The following AKT3 variants were observed in gnomAD, a reference collection of about 807,000 sequenced individuals.
AKT3 encodes AKT serine/threonine kinase 3, also known as RAC-gamma serine/threonine-protein kinase.
In AKT3, 15 loss-of-function variants were observed where a neutral mutation model predicts 65.3. That is an observed-to-expected ratio of 0.23 (90% CI 0.15 to 0.35). The LOEUF (loss-of-function observed/expected upper bound fraction) is 0.35. AKT3 is among the 10% of genes least tolerant of loss of function. The pLI, the probability that AKT3 is intolerant of heterozygous loss-of-function variation, is 1.00. For missense variants in AKT3, 243 were observed against 576.5 expected (o/e 0.42, Z 5.92); for synonymous variants, 206 against 183.8 (o/e 1.12, Z -0.98).
At chr1:243,801,187 A>G (rs533712476) in intron 2 of AKT3, among the ~76,000 whole-genome samples, 36 of 152,312 alleles carry the variant, frequency 2.4e-4, no homozygotes, top group Admixed American at 1.4e-3. Flanking sequence ...GTTATTCCTC[A>G]GGGCCTATCC....
chr1:243,609,900 C>T (rs915336298), intron 8 of AKT3, among the ~76,000 whole-genome samples: 7 of 152,056 alleles, frequency 4.6e-5, no homozygotes, highest in Admixed American at 3.9e-4. Context: ...CCAGGTAGCG[C>T]CCTCTAGGAA....
At chr1:243,809,462 C>G (rs1247292561) in intron 2 of AKT3, among the ~76,000 whole-genome samples, 5 of 152,174 alleles carry the variant, frequency 3.3e-5, no homozygotes, top group Non-Finnish European at 7.3e-5. Context: ...GTAAAGGGAT[C>G]AATTCAACAA....
intron 9 of AKT3, 36 bp downstream of exon 9, chr1:243,572,890 A>G (rs1674667879): frequency 6.3e-7 from 1 of 1,582,598 alleles, no homozygotes; most frequent in African/African-American, 1.4e-5. Flanking sequence ...TAGTCTCTGC[A>G]AAAACAAATT....
intron 2 of AKT3, among the ~76,000 whole-genome samples, chr1:243,791,552 A>T (rs775867727): frequency 4.6e-5 from 7 of 152,246 alleles, no homozygotes; most frequent in Non-Finnish European, 1.0e-4. Context: ...CTGTAAATAT[A>T]TGACACTAAT....
chr1:243,536,781 G>GCCTT (rs1671968126), intron 12 of AKT3, among the ~76,000 whole-genome samples: 1 of 152,134 alleles, frequency 6.6e-6, no homozygotes, highest in Admixed American at 6.6e-5. Context: ...ACCAAAAGAA[G>GCCTT]ACACTAATTG....
intron 6 of AKT3, among the ~76,000 whole-genome samples, chr1:243,637,322 C>T (rs1680045251): frequency 1.3e-5 from 2 of 151,954 alleles, no homozygotes; most frequent in Admixed American, 6.6e-5. Flanking sequence ...AAAAGCAATC[C>T]TAGTATAATT....
intron 8 of AKT3, among the ~76,000 whole-genome samples, chr1:243,592,612 C>G (rs867444238): frequency 1.7e-4 from 26 of 152,182 alleles, no homozygotes; most frequent in African/African-American, 6.3e-4. Flanking sequence ...AGCTAAATAT[C>G]TTTCCAAAAA....
chr1:243,660,727 A>G (rs932325140), intron 4 of AKT3, among the ~76,000 whole-genome samples: 81 of 152,200 alleles, frequency 5.3e-4, no homozygotes, highest in Admixed American at 8.5e-4. Flanking sequence ...TAGGCAGAAG[A>G]AGGAAATAAA....
chr1:243,789,396 C>A (rs983896973), intron 2 of AKT3, among the ~76,000 whole-genome samples: 2 of 152,138 alleles, frequency 1.3e-5, no homozygotes, highest in Non-Finnish European at 2.9e-5. Context: ...TTAAAAAAAT[C>A]TTTTTAATAA....
intron 10 of AKT3, among the ~76,000 whole-genome samples, chr1:243,556,409 AT>A: frequency 6.6e-6 from 1 of 152,192 alleles, no homozygotes; most frequent in East Asian, 1.9e-4. Flanking sequence ...AAAAAAAACT[AT>A]TCATTACAAT....
chr1:243,806,550 G>A lies in AKT3; in HGVS notation c.46+36575C>T, dbSNP rs1254375863. The stretch of plus-strand genomic sequence containing the variant: ...CACAAATATACTTCCATCTTTACAT[G>A]CATATGTGTCTTATCTTCTTAAATG... On this transcript the variant is annotated intron_variant, in intron 2 of 13. Coordinates refer to ENST00000673466, the MANE Select transcript of AKT3 (RefSeq NM_005465.7). Among the ~76,000 whole-genome samples the A allele has an allele frequency of 3.9e-5, 6 of 152,180 alleles. No homozygotes were observed. The East Asian group carries it at 9.7e-4, about 25-fold the overall frequency.
intron 12 of AKT3, among the ~76,000 whole-genome samples, chr1:243,527,936 C>CACACACACACACAG (rs1671266313): frequency 5.2e-5 from 2 of 38,274 alleles, no homozygotes; most frequent in African/African-American, 7.7e-5. Flanking sequence ...CACACACACA[C>CACACACACACACAG]AGAGAGAGAG....
chr1:243,564,035 C>G (rs1412189491), intron 9 of AKT3, among the ~76,000 whole-genome samples, 187 bp from the exon 10 acceptor site: 2 of 152,146 alleles, frequency 1.3e-5, no homozygotes, highest in East Asian at 3.8e-4. Flanking sequence ...TTATCAAATA[C>G]TTCACGATGA....
At chr1:243,589,422 T>C (rs953713902) in intron 8 of AKT3, among the ~76,000 whole-genome samples, 14 of 150,230 alleles carry the variant, frequency 9.3e-5, no homozygotes, top group African/African-American at 3.4e-4. Flanking sequence ...AGCAGATACA[T>C]GAAAAGGTGC....
At chr1:243,667,160 G>C (rs1168533063) in intron 3 of AKT3, among the ~76,000 whole-genome samples, 7 of 152,194 alleles carry the variant, frequency 4.6e-5, no homozygotes, top group African/African-American at 1.7e-4. Context: ...CTGTAAGTGG[G>C]AGACCATTCG....
At chr1:243,830,242 A>G (rs987045114) in intron 2 of AKT3, among the ~76,000 whole-genome samples, 3 of 152,156 alleles carry the variant, frequency 2.0e-5, no homozygotes, top group Non-Finnish European at 4.4e-5. Flanking sequence ...AAGTAATTTA[A>G]AGATGATTTA....
intron 8 of AKT3, among the ~76,000 whole-genome samples, chr1:243,601,624 G>A (rs1023824033): frequency 2.6e-5 from 4 of 152,056 alleles, no homozygotes; most frequent in Admixed American, 6.6e-5. Flanking sequence ...GAATATTCAC[G>A]AGCTTTTATT....
At chr1:243,719,891 T>G (rs994913803) in intron 2 of AKT3, among the ~76,000 whole-genome samples, 1 of 152,158 alleles carries the variant, frequency 6.6e-6, no homozygotes, top group Non-Finnish European at 1.5e-5. Context: ...TAGGGCAGAG[T>G]AGGTGTATTA....
intron 2 of AKT3, among the ~76,000 whole-genome samples, chr1:243,791,459 G>A (rs551837398): frequency 4.6e-5 from 7 of 152,050 alleles, no homozygotes; most frequent in African/African-American, 1.2e-4. Context: ...AACGCAATAC[G>A]CCTAAAAACA....
Sources: allele counts gnomAD v4.1 joint callset (sites outside exome capture counted in the v4.1 genomes callset), GRCh38; gene constraint gnomAD v4.1.1; transcripts MANE v1.5; gene names NCBI Gene and HGNC (gene_info 2026-07-23, HGNC 2026-07-21).